The following ADGRV1 variants were observed in gnomAD, a reference collection of about 807,000 sequenced individuals.
ADGRV1 encodes G-protein coupled receptor 98.
A neutral mutation model predicts 596.2 loss-of-function variants in ADGRV1; 359 were observed. The ratio of observed to expected loss-of-function variants is 0.60; its 90% CI spans 0.55 to 0.66. The LOEUF is 0.66. ADGRV1 is among the 30% of genes least tolerant of loss of function. The pLI is 0.00. For missense variants in ADGRV1, 7,274 were observed against 7,575.6 expected, an observed-to-expected ratio of 0.96 and a Z score of 1.48; for synonymous variants, 2,681 against 2,679.2, an observed-to-expected ratio of 1.00 and a Z score of -0.02.
intron 85 of ADGRV1, among the ~76,000 whole-genome samples, chr5:91,038,101 T>G (rs1785052849): frequency 6.6e-6 from 1 of 152,146 alleles, no homozygotes; most frequent in Non-Finnish European, 1.5e-5. Context: ...ACATTTTGGG[T>G]CCCAAGCATT....
chr5:90,632,351 A>G (rs899809720), intron 9 of ADGRV1, among the ~76,000 whole-genome samples: 2 of 152,154 alleles, frequency 1.3e-5, no homozygotes, highest in African/African-American at 2.4e-5. Context: ...GATGATGCAG[A>G]AATGTTGTTT....
intron 83 of ADGRV1, among the ~76,000 whole-genome samples, chr5:90,945,247 T>G (rs1776473144): frequency 1.3e-5 from 2 of 152,168 alleles, no homozygotes; most frequent in African/African-American, 4.8e-5. Flanking sequence ...CAGATTTTTT[T>G]TTTTTGTTCT....
At chr5:91,051,162 G>A (rs977034108) in intron 85 of ADGRV1, among the ~76,000 whole-genome samples, 7 of 152,144 alleles carry the variant, frequency 4.6e-5, no homozygotes, top group African/African-American at 1.7e-4. Context: ...ACTTTTAAAT[G>A]TATGAATTTC....
intron 83 of ADGRV1, among the ~76,000 whole-genome samples, chr5:90,951,045 A>G (rs1395587872): frequency 6.6e-6 from 1 of 152,170 alleles, no homozygotes; most frequent in Non-Finnish European, 1.5e-5. Flanking sequence ...AAACATAAAA[A>G]CAATAGGCAA....
intron 11 of ADGRV1, among the ~76,000 whole-genome samples, chr5:90,641,881 G>A (rs1257582761): frequency 6.6e-6 from 1 of 152,086 alleles, no homozygotes; most frequent in Non-Finnish European, 1.5e-5. Flanking sequence ...TTCTAATTAT[G>A]CTTTGAACGT....
chr5:91,074,509 GT>G (rs1202687847), intron 86 of ADGRV1, among the ~76,000 whole-genome samples: 2 of 151,986 alleles, frequency 1.3e-5, no homozygotes, highest in African/African-American at 4.8e-5. Context: ...GATGATCTCG[GT>G]TTTTTATGAC....
chr5:90,726,010 C>A (rs546549870), intron 48 of ADGRV1, among the ~76,000 whole-genome samples: 1 of 152,270 alleles, frequency 6.6e-6, no homozygotes, highest in South Asian at 2.1e-4. Flanking sequence ...CCTCAGAAAT[C>A]CCACATTTCT....
At position 90,791,270 on chromosome 5, in the gene ADGRV1, C is replaced by A. The variant is rs1363619349; in HGVS notation, c.14441C>A (p.Thr4814Asn). 1.9e-6 allele frequency: 3 copies of A among 1,608,418 alleles called. No individual in the cohort carries two copies. The highest frequency in any genetic ancestry group is 2.5e-6 in the Non-Finnish European group (3 of 1,177,230). Residue 4814 changes from threonine to asparagine, a missense_variant, in exon 70 of 90, where the codon ACC becomes AAC. By Grantham distance (65) the Thr-to-Asn change is moderately conservative (BLOSUM62 0). Coordinates refer to ENST00000405460, the MANE Select transcript of ADGRV1 (RefSeq NM_032119.4). ...SSDHKEQPIVTENAERQLVVK... is the reference protein window; with the variant it reads ...SSDHKEQPIVNENAERQLVVK... ...GATCATAAAGAACAGCCGATTGTTA[C>A]CGAAAATGCAGAGAGGCAGCTGGTG...
chr5:90,704,806 A>G (rs1189936524), intron 36 of ADGRV1, among the ~76,000 whole-genome samples: 1 of 151,528 alleles, frequency 6.6e-6, no homozygotes, highest in African/African-American at 2.4e-5. Context: ...ATATGGATAA[A>G]TCAAATTTAG....
chr5:90,885,937 C>T (rs1770238303), intron 83 of ADGRV1, among the ~76,000 whole-genome samples: 1 of 151,922 alleles, frequency 6.6e-6, no homozygotes, highest in African/African-American at 2.4e-5. Flanking sequence ...TTGCTCATTA[C>T]CCACTCCCAG....
At chr5:91,102,068 C>T (rs948518776) in intron 86 of ADGRV1, 151 bp from the exon 87 acceptor site, 3 of 678,106 alleles carry the variant, frequency 4.4e-6, no homozygotes, top group Non-Finnish European at 7.2e-6. Context: ...CAGCAATGTG[C>T]CTTCTCCCCT....
At chr5:90,594,032 C>T (rs1172596495) in intron 1 of ADGRV1, among the ~76,000 whole-genome samples, 1 of 152,072 alleles carries the variant, frequency 6.6e-6, no homozygotes, top group East Asian at 1.9e-4. Flanking sequence ...CAAGCAAACA[C>T]AAGTGTTTGT....
chr5:90,694,575 G>C lies in ADGRV1; in HGVS notation c.7819G>C (p.Glu2607Gln). The stretch of plus-strand genomic sequence containing the variant: ...TCAGGAGCAGCCCCAAACCTTGGTG[G>C]AGCTGATGATACACAGGACAGGGGG... ...EVQEQPQTLVELMIHRTGGSL... is the reference protein window; with the variant it reads ...EVQEQPQTLVQLMIHRTGGSL... The change falls in exon 33 of 90, where the codon GAG becomes CAG. Residue 2607 changes from glutamate to glutamine, a missense_variant. Transcript: ENST00000405460. 1 of 1,613,892 alleles carries C rather than the reference G, an allele frequency of 6.2e-7. No homozygotes were observed. Among genetic ancestry groups the C allele is most frequent in the Non-Finnish European group, 8.5e-7 (1 of 1,179,824 alleles).
chr5:90,773,596 A>G (rs1173858787), intron 59 of ADGRV1, among the ~76,000 whole-genome samples: 9 of 152,234 alleles, frequency 5.9e-5, no homozygotes. Flanking sequence ...GTGAAGGTAA[A>G]AGAAAACTGA....
At chr5:90,938,544 T>C (rs1775907420) in intron 83 of ADGRV1, among the ~76,000 whole-genome samples, 1 of 152,172 alleles carries the variant, frequency 6.6e-6, no homozygotes, top group Non-Finnish European at 1.5e-5. Context: ...TGTGATCTAG[T>C]CTGGATATGA....
At chr5:90,864,305 T>G (rs1406120001) in intron 83 of ADGRV1, among the ~76,000 whole-genome samples, 1 of 152,318 alleles carries the variant, frequency 6.6e-6, no homozygotes, top group East Asian at 1.9e-4. Flanking sequence ...TTTTGAAAAA[T>G]CAGTTTTCTA....
intron 85 of ADGRV1, among the ~76,000 whole-genome samples, chr5:91,049,917 G>C (rs778676292): frequency 4.6e-5 from 7 of 152,178 alleles, no homozygotes; most frequent in Admixed American, 3.9e-4. Flanking sequence ...AGGGACAACT[G>C]TATGTGAGGT....
chr5:90,966,213 T>C (rs1360242714), intron 84 of ADGRV1, among the ~76,000 whole-genome samples: 1 of 152,046 alleles, frequency 6.6e-6, no homozygotes, highest in Middle Eastern at 3.2e-3. Context: ...GAATGTGAAG[T>C]GCCTATGAGA....
chr5:90,772,256 A>T (rs1002646215), intron 59 of ADGRV1, among the ~76,000 whole-genome samples: 27 of 152,194 alleles, frequency 1.8e-4, no homozygotes, highest in Admixed American at 5.9e-4. Flanking sequence ...TCATTCAGGG[A>T]CATACAGAAA....
Sources: allele counts gnomAD v4.1 joint callset (sites outside exome capture counted in the v4.1 genomes callset), GRCh38; gene constraint gnomAD v4.1.1; transcripts MANE v1.5; gene names NCBI Gene and HGNC (gene_info 2026-07-23, HGNC 2026-07-21).